The following CHCHD3 variants were observed in gnomAD, a reference collection of about 807,000 sequenced individuals.
The protein encoded by CHCHD3 is coiled-coil-helix-coiled-coil-helix domain containing 3.
Under a neutral mutation model 38.2 loss-of-function variants are expected in CHCHD3, and 20 were observed. The ratio of observed to expected loss-of-function variants is 0.52; its 90% confidence interval spans 0.37 to 0.76. The LOEUF (loss-of-function observed/expected upper bound fraction) is 0.76, where lower values mean the gene tolerates loss of function less well. Ranked by LOEUF, CHCHD3 falls within the 30% of genes least tolerant of loss-of-function variation. The pLI, the probability that CHCHD3 is intolerant of heterozygous loss-of-function variation, is 0.00. For synonymous variants in CHCHD3, 82 were observed against 100.0 expected (o/e 0.82, Z 1.07); for missense variants, 245 against 279.2 (o/e 0.88, Z 0.87).
At chr7:132,792,172 T>C (rs1335492975) in intron 7 of CHCHD3, among the ~76,000 whole-genome samples, 1 of 152,198 alleles carries the variant, frequency 6.6e-6, no homozygotes, top group Non-Finnish European at 1.5e-5. Context: ...TCCAGGTTCC[T>C]GGCTTCCTGC....
At chr7:132,814,067 G>A (rs919782103) in intron 6 of CHCHD3, among the ~76,000 whole-genome samples, 4 of 152,146 alleles carry the variant, frequency 2.6e-5, no homozygotes, top group African/African-American at 4.8e-5. Context: ...GATGGCAAAC[G>A]GCTTTAATTT....
At chr7:132,983,764 G>A (rs1811983352) in intron 3 of CHCHD3, among the ~76,000 whole-genome samples, 1 of 152,076 alleles carries the variant, frequency 6.6e-6, no homozygotes, top group Non-Finnish European at 1.5e-5. Flanking sequence ...TGAATTGCTT[G>A]GTAAGTACCA....
intron 4 of CHCHD3, among the ~76,000 whole-genome samples, chr7:132,956,224 C>A (rs1326655937): frequency 6.6e-6 from 1 of 152,172 alleles, no homozygotes; most frequent in Non-Finnish European, 1.5e-5. Context: ...TTGACAGTCC[C>A]AACAATCACA....
At chr7:132,930,833 C>T (rs1242892388) in intron 4 of CHCHD3, among the ~76,000 whole-genome samples, 1 of 152,156 alleles carries the variant, frequency 6.6e-6, no homozygotes, top group Admixed American at 6.6e-5. Flanking sequence ...CATTTCAAAT[C>T]CCTATGCCCC....
chr7:133,051,668 G>C (rs952708672), intron 2 of CHCHD3, among the ~76,000 whole-genome samples: 17 of 151,852 alleles, frequency 1.1e-4, no homozygotes, highest in African/African-American at 4.1e-4. Context: ...TGAACATTTA[G>C]AGATAAAATT....
At chr7:133,006,851 C>G (rs898686877) in intron 3 of CHCHD3, among the ~76,000 whole-genome samples, 1 of 152,012 alleles carries the variant, frequency 6.6e-6, no homozygotes, top group African/African-American at 2.4e-5. Flanking sequence ...TAATAGTGAA[C>G]TACAATTAAG....
At chr7:132,852,032 C>G (rs1808232211) in intron 5 of CHCHD3, among the ~76,000 whole-genome samples, 1 of 152,220 alleles carries the variant, frequency 6.6e-6, no homozygotes, top group Admixed American at 6.5e-5. Context: ...CATAAATGAT[C>G]AGCCTTACCG....
chr7:132,974,102 C>A, intron 4 of CHCHD3: 1 of 1,121,772 alleles, frequency 8.9e-7, no homozygotes, highest in South Asian at 1.5e-5. Context: ...CCATTAAAAA[C>A]TACATTTCAG....
chr7:132,907,992 C>G (rs1809839062), intron 4 of CHCHD3, among the ~76,000 whole-genome samples: 1 of 151,944 alleles, frequency 6.6e-6, no homozygotes, highest in Non-Finnish European at 1.5e-5. Flanking sequence ...CATGACTATG[C>G]CACAGAAAAA....
At chr7:133,034,831 C>G (rs1015210321) in intron 2 of CHCHD3, 1 of 1,611,052 alleles carries the variant, frequency 6.2e-7, no homozygotes, top group Non-Finnish European at 8.5e-7. Flanking sequence ...TTGTTGGTTC[C>G]AAAAAGGATG....
At chr7:133,020,510 C>T (rs554588991) in intron 3 of CHCHD3, among the ~76,000 whole-genome samples, 10 of 152,298 alleles carry the variant, frequency 6.6e-5, no homozygotes, top group African/African-American at 2.2e-4. Context: ...GTAAGACATT[C>T]AAGAAGTCAT....
At chr7:132,867,859 T>C (rs1377672547) in intron 5 of CHCHD3, among the ~76,000 whole-genome samples, 2 of 152,190 alleles carry the variant, frequency 1.3e-5, no homozygotes, top group South Asian at 2.1e-4. Context: ...TTATATAAAA[T>C]AGGCTATGGG....
At chr7:133,019,599 T>C (rs1489597462) in intron 3 of CHCHD3, among the ~76,000 whole-genome samples, 6 of 152,192 alleles carry the variant, frequency 3.9e-5, no homozygotes, top group Non-Finnish European at 7.4e-5. Flanking sequence ...TCCAAATAAC[T>C]AAAAGTGCGG....
At chr7:132,909,225 T>A (rs570227814) in intron 4 of CHCHD3, among the ~76,000 whole-genome samples, 2 of 152,194 alleles carry the variant, frequency 1.3e-5, no homozygotes, top group East Asian at 3.9e-4. Context: ...AGACCAGGTG[T>A]GGTGGTTCAC....
intron 5 of CHCHD3, among the ~76,000 whole-genome samples, chr7:132,869,247 A>G (rs1049192799): frequency 6.6e-6 from 1 of 152,092 alleles, no homozygotes; most frequent in African/African-American, 2.4e-5. Context: ...AAATGTCACA[A>G]CCACAACCTC....
intron 1 of CHCHD3, among the ~76,000 whole-genome samples, chr7:133,070,636 C>G (rs1195530579): frequency 6.6e-6 from 1 of 151,816 alleles, no homozygotes; most frequent in Non-Finnish European, 1.5e-5. Context: ...TTCCCTCTCC[C>G]CTCCCTCCCT....
intron 5 of CHCHD3, chr7:132,849,321 T>C (rs1216198279): frequency 1.3e-5 from 2 of 152,210 alleles, no homozygotes. Context: ...TCCATGTATC[T>C]AACATTCAGC....
At chr7:132,799,007 CTGTGTG>C (rs58508838) in intron 6 of CHCHD3, among the ~76,000 whole-genome samples, 15,578 of 145,406 alleles carry the variant, frequency 0.11, 836 homozygotes, top group Middle Eastern at 0.17. Context: ...GTGATCTGTT[CTGTGTG>C]TGTGTGTGTG....
intron 3 of CHCHD3, among the ~76,000 whole-genome samples, chr7:133,019,734 T>C (rs924257008): frequency 5.3e-5 from 8 of 152,174 alleles, no homozygotes; most frequent in African/African-American, 1.9e-4. Flanking sequence ...AATGTTATTA[T>C]AAGTGAAACA....
Sources: allele counts gnomAD v4.1 joint callset (sites outside exome capture counted in the v4.1 genomes callset), GRCh38; gene constraint gnomAD v4.1.1; transcripts MANE v1.5; gene names NCBI Gene and HGNC (gene_info 2026-07-23, HGNC 2026-07-21).